PDLIM5: variants seen among roughly 807,000 people sequenced by gnomAD.
PDLIM5 encodes PDZ and LIM domain protein 5.
In PDLIM5, 34 loss-of-function variants were observed where a neutral mutation model predicts 64.2. The observed-to-expected ratio is 0.53, with a 90% confidence interval of 0.40 to 0.71. The LOEUF (loss-of-function observed/expected upper bound fraction) is 0.71, where lower values mean the gene tolerates loss of function less well. Ranked by LOEUF, PDLIM5 falls within the 30% of genes least tolerant of loss-of-function variation. The probability of loss-of-function intolerance (pLI) is 0.00; values close to 1 mark genes in which losing one functional copy is unlikely to be tolerated. For missense variants in PDLIM5, 683 were observed against 733.6 expected (o/e 0.93, Z 0.80); for synonymous variants, 253 against 269.1 (o/e 0.94, Z 0.59).
In PDLIM5 at chr4:94,667,962, C is replaced by G. The variant is rs1426595541; in HGVS notation, c.*3895C>G. 1 of 152,110 alleles carries G rather than the reference C, an allele frequency of 6.6e-6. No individual in the cohort carries two copies. Among genetic ancestry groups the G allele is most frequent in the Non-Finnish European group, 1.5e-5 (1 of 68,024 alleles). 9.4% of individuals were successfully genotyped at this position (152,110 alleles called of 1,614,324 possible). A position where few individuals can be genotyped will look rare whatever the true frequency, so the allele number is the denominator to read the frequency against. On this transcript the variant is annotated 3_prime_UTR_variant, in exon 13 of 13. Coordinates refer to ENST00000317968, the MANE Select transcript of PDLIM5 (RefSeq NM_006457.5). ...TCAGACATGAAGCAAGGGAAACATA[C>G]TGAATAGTTTTACACAAATTTGATC...
intron 2 of PDLIM5, among the ~76,000 whole-genome samples, chr4:94,502,884 G>GA (rs530465296): frequency 6.8e-6 from 1 of 147,100 alleles, no homozygotes. Context: ...CTCATTAAAA[G>GA]AAAAAAAAAA....
chr4:94,535,087 C>A (rs1731203125), intron 3 of PDLIM5, among the ~76,000 whole-genome samples: 1 of 152,120 alleles, frequency 6.6e-6, no homozygotes, highest in African/African-American at 2.4e-5. Context: ...TGTAAGACTG[C>A]TTGGAAAGAG....
intron 2 of PDLIM5, among the ~76,000 whole-genome samples, chr4:94,516,673 G>C (rs977620823): frequency 6.6e-6 from 1 of 151,952 alleles, no homozygotes; most frequent in Non-Finnish European, 1.5e-5. Context: ...ACAGGTCCCA[G>C]ATGGCACACA....
At chr4:94,464,470 A>G (rs1724169052) in intron 2 of PDLIM5, among the ~76,000 whole-genome samples, 2 of 152,246 alleles carry the variant, frequency 1.3e-5, no homozygotes, top group African/African-American at 4.8e-5. Flanking sequence ...GTAAGGCTGT[A>G]TAACACTAGC....
At chr4:94,619,063 C>T (rs953424031) in intron 8 of PDLIM5, among the ~76,000 whole-genome samples, 1 of 152,170 alleles carries the variant, frequency 6.6e-6, no homozygotes, top group Non-Finnish European at 1.5e-5. Flanking sequence ...ACCTCAAATC[C>T]AGTATGTCTG....
intron 3 of PDLIM5, among the ~76,000 whole-genome samples, chr4:94,536,271 G>A (rs1006249433): frequency 6.6e-6 from 1 of 152,142 alleles, no homozygotes; most frequent in African/African-American, 2.4e-5. Flanking sequence ...ACAGCTGAAG[G>A]AGTAACATGA....
At chr4:94,538,289 G>T (rs1731486238) in intron 3 of PDLIM5, among the ~76,000 whole-genome samples, 1 of 90,756 alleles carries the variant, frequency 1.1e-5, no homozygotes, top group Non-Finnish European at 2.4e-5. Context: ...GGTTAAGTTT[G>T]AGTATTGAGA....
intron 2 of PDLIM5, among the ~76,000 whole-genome samples, chr4:94,512,390 C>G (rs1209764880): frequency 6.6e-6 from 1 of 152,108 alleles, no homozygotes; most frequent in Non-Finnish European, 1.5e-5. Context: ...TACGTTCCCA[C>G]CAACAGTGTA....
chr4:94,503,586 C>T (rs1728120955), intron 2 of PDLIM5, among the ~76,000 whole-genome samples: 1 of 152,164 alleles, frequency 6.6e-6, no homozygotes. Flanking sequence ...GTTTCTCCTC[C>T]GATGTGCCTG....
intron 3 of PDLIM5, among the ~76,000 whole-genome samples, chr4:94,572,301 C>A (rs1295513618): frequency 1.3e-5 from 2 of 152,096 alleles, no homozygotes; most frequent in African/African-American, 2.4e-5. Context: ...TATACCTTAA[C>A]ACTAAGTAAA....
intron 3 of PDLIM5, among the ~76,000 whole-genome samples, chr4:94,530,627 C>G (rs191903031): frequency 6.6e-6 from 1 of 150,742 alleles, no homozygotes; most frequent in East Asian, 2.0e-4. Flanking sequence ...TCTTATTCTT[C>G]AAACTTCATT....
intron 3 of PDLIM5, among the ~76,000 whole-genome samples, chr4:94,537,281 T>C (rs1456166108): frequency 6.6e-6 from 1 of 152,324 alleles, no homozygotes; most frequent in East Asian, 1.9e-4. Flanking sequence ...CTGAAGTTTA[T>C]AGCACTTTTT....
At chr4:94,469,960 A>ATTT (rs34572366) in intron 2 of PDLIM5, among the ~76,000 whole-genome samples, 20 of 71,544 alleles carry the variant, frequency 2.8e-4, no homozygotes, top group African/African-American at 6.7e-4. Context: ...CATTCTTTTA[A>ATTT]TTTTTTTTTT....
chr4:94,608,166 C>A (rs1456384261), intron 7 of PDLIM5: 42 of 1,529,458 alleles, frequency 2.7e-5, no homozygotes, highest in Non-Finnish European at 3.3e-5. Context: ...AAAGTAGCAA[C>A]TACTTATTCT....
At chr4:94,550,610 C>T (rs1328496537) in intron 3 of PDLIM5, among the ~76,000 whole-genome samples, 1 of 152,160 alleles carries the variant, frequency 6.6e-6, no homozygotes, top group Non-Finnish European at 1.5e-5. Flanking sequence ...CACAGATTGA[C>T]TTAAGCTTTG....
At chr4:94,535,392 T>C (rs1731229839) in intron 3 of PDLIM5, among the ~76,000 whole-genome samples, 2 of 152,326 alleles carry the variant, frequency 1.3e-5, no homozygotes, top group South Asian at 4.1e-4. Context: ...TGTTTCTCAC[T>C]AAGATGTATT....
chr4:94,573,398 G>A lies in PDLIM5; in HGVS notation c.291+5G>A. On this transcript the variant is annotated splice_donor_5th_base_variant and intron_variant, in intron 4 of 12. Coordinates refer to ENST00000317968, the MANE Select transcript of PDLIM5 (RefSeq NM_006457.5). ...GAGCCGGTTCCTGTTCAAAAGGTGTGTTTTTAAGCTAGCACCCAGAGTATC... is the reference window on the plus strand; with the variant it reads ...GAGCCGGTTCCTGTTCAAAAGGTGTATTTTTAAGCTAGCACCCAGAGTATC... The A allele has an allele frequency of 6.2e-7, 1 of 1,608,522 alleles. No homozygotes were observed. Among genetic ancestry groups the A allele is most frequent in the Non-Finnish European group, 8.5e-7 (1 of 1,175,254 alleles).
chr4:94,642,440 C>T (rs1012137832), intron 9 of PDLIM5, among the ~76,000 whole-genome samples: 4 of 152,100 alleles, frequency 2.6e-5, no homozygotes, highest in Non-Finnish European at 4.4e-5. Context: ...TAATGCCAGG[C>T]CAGTATGCAA....
At chr4:94,470,162 C>T (rs1350589707) in intron 2 of PDLIM5, among the ~76,000 whole-genome samples, 1 of 151,866 alleles carries the variant, frequency 6.6e-6, no homozygotes, top group Non-Finnish European at 1.5e-5. Flanking sequence ...GAGAGGTTTT[C>T]ACCATGTTAG....
Sources: allele counts gnomAD v4.1 joint callset (sites outside exome capture counted in the v4.1 genomes callset), GRCh38; gene constraint gnomAD v4.1.1; transcripts MANE v1.5; gene names NCBI Gene and HGNC (gene_info 2026-07-23, HGNC 2026-07-21).